Variants in TRAM2 observed in about 807,000 individuals in gnomAD.
TRAM2 encodes translocation associated membrane protein 2, also known as translocating chain-associated membrane protein 2.
Under a neutral mutation model 51.0 loss-of-function variants are expected in TRAM2, and 12 were observed. The ratio of observed to expected loss-of-function variants is 0.24; its 90% CI spans 0.15 to 0.38. The LOEUF (loss-of-function observed/expected upper bound fraction) is 0.38, where lower values mean the gene tolerates loss of function less well. TRAM2 is among the 10% of genes least tolerant of loss of function. TRAM2 has a pLI of 1.00. For synonymous variants in TRAM2, 175 were observed against 179.4 expected, an observed-to-expected ratio of 0.98 and a Z score of 0.20; for missense variants, 361 against 462.0, an observed-to-expected ratio of 0.78 and a Z score of 2.00.
At chr6:52,516,230 T>C in intron 3 of TRAM2, 108 bp from the exon 4 acceptor site, 1 of 1,042,564 alleles carries the variant, frequency 9.6e-7, no homozygotes, top group Non-Finnish European at 1.4e-6. Context: ...CGTTAGAAGT[T>C]TGCAGCTGGC....
chr6:52,539,469 G>A (rs1767038263), intron 1 of TRAM2, among the ~76,000 whole-genome samples: 1 of 151,832 alleles, frequency 6.6e-6, no homozygotes, highest in Non-Finnish European at 1.5e-5. Flanking sequence ...GGGAAAACCT[G>A]AACGTCAGCA....
intron 1 of TRAM2, among the ~76,000 whole-genome samples, chr6:52,566,685 A>G (rs568311769): frequency 1.1e-4 from 16 of 152,264 alleles, no homozygotes; most frequent in Non-Finnish European, 2.2e-4. Flanking sequence ...CTATGACACC[A>G]GTGTGCTGAG....
intron 1 of TRAM2, among the ~76,000 whole-genome samples, chr6:52,558,936 T>C (rs1767453729): frequency 6.6e-6 from 1 of 152,242 alleles, no homozygotes; most frequent in Non-Finnish European, 1.5e-5. Flanking sequence ...CCTCAGACCT[T>C]GGAGCTGGCA....
intron 1 of TRAM2, among the ~76,000 whole-genome samples, chr6:52,546,384 A>C (rs1261539378): frequency 6.6e-6 from 1 of 152,214 alleles, no homozygotes; most frequent in African/African-American, 2.4e-5. Context: ...GGACAACCCA[A>C]GGTGATTTCC....
chr6:52,555,261 C>A (rs1767383899), intron 1 of TRAM2, among the ~76,000 whole-genome samples: 1 of 151,972 alleles, frequency 6.6e-6, no homozygotes. Context: ...CCCCACCCTC[C>A]ACCTGTGCCC....
intron 10 of TRAM2, 133 bp downstream of exon 10, chr6:52,504,458 G>A: frequency 4.1e-6 from 6 of 1,466,602 alleles, no homozygotes; most frequent in Admixed American, 2.2e-5. Flanking sequence ...CCAGCCCTGA[G>A]GTAAGAGTCA....
intron 1 of TRAM2, among the ~76,000 whole-genome samples, chr6:52,541,970 C>A (rs1008312017): frequency 1.4e-4 from 21 of 152,060 alleles, no homozygotes; most frequent in Non-Finnish European, 2.6e-4. Flanking sequence ...ACCTAAAGGA[C>A]AAAACACAGA....
At chr6:52,544,982 A>G (rs918359640) in intron 1 of TRAM2, among the ~76,000 whole-genome samples, 1 of 152,234 alleles carries the variant, frequency 6.6e-6, no homozygotes, top group African/African-American at 2.4e-5. Context: ...CCATATCCCA[A>G]GGTTTCTCTC....
chr6:52,523,118 G>A (rs913602365), intron 2 of TRAM2: 5 of 425,708 alleles, frequency 1.2e-5, no homozygotes, highest in African/African-American at 4.0e-5. Flanking sequence ...GTTTCTTTCC[G>A]AATCCCTGCA....
intron 1 of TRAM2, among the ~76,000 whole-genome samples, chr6:52,539,352 T>G: frequency 6.6e-6 from 1 of 152,190 alleles, no homozygotes; most frequent in African/African-American, 2.4e-5. Context: ...GCTCTGCACA[T>G]CTCTGTGAAT....
At chr6:52,534,285 G>A (rs1393910657) in intron 2 of TRAM2, among the ~76,000 whole-genome samples, 1 of 152,086 alleles carries the variant, frequency 6.6e-6, no homozygotes, top group Non-Finnish European at 1.5e-5. Context: ...GGAGGCTGAG[G>A]CGGAAGAATC....
chr6:52,576,775 C>T (rs1331808828), intron 1 of TRAM2, 21 bp downstream of exon 1: 1 of 1,610,564 alleles, frequency 6.2e-7, no homozygotes, highest in Middle Eastern at 1.7e-4. Context: ...CCCTCCAGCT[C>T]CCTCCTCCCC....
intron 1 of TRAM2, among the ~76,000 whole-genome samples, chr6:52,539,459 G>A (rs142008412): frequency 6.6e-6 from 1 of 152,150 alleles, no homozygotes; most frequent in Non-Finnish European, 1.5e-5. Flanking sequence ...AAACGTATCA[G>A]GGAAAACCTG....
At chr6:52,540,840 G>T (rs756077621) in intron 1 of TRAM2, among the ~76,000 whole-genome samples, 3 of 152,186 alleles carry the variant, frequency 2.0e-5, no homozygotes, top group South Asian at 2.1e-4. Flanking sequence ...AAGTGACAAC[G>T]TGCTAATACA....
chr6:52,514,746 T>C (rs983487865), intron 4 of TRAM2, among the ~76,000 whole-genome samples: 1 of 152,222 alleles, frequency 6.6e-6, no homozygotes, highest in Non-Finnish European at 1.5e-5. Flanking sequence ...TTTGGTATCT[T>C]GAGGCTGTTC....
intron 2 of TRAM2, among the ~76,000 whole-genome samples, chr6:52,527,102 G>A (rs1319716950): frequency 3.3e-5 from 5 of 151,996 alleles, no homozygotes; most frequent in Non-Finnish European, 5.9e-5. Flanking sequence ...TTATCCAGCT[G>A]GGCATGGTGG....
At chr6:52,511,762 A>G (rs1383828868) in intron 4 of TRAM2, among the ~76,000 whole-genome samples, 2 of 151,758 alleles carry the variant, frequency 1.3e-5, no homozygotes, top group African/African-American at 4.9e-5. Flanking sequence ...CCATGAGCAC[A>G]ATAACCTGAC....
At chr6:52,549,549 G>C (rs1278933851) in intron 1 of TRAM2, among the ~76,000 whole-genome samples, 1 of 152,162 alleles carries the variant, frequency 6.6e-6, no homozygotes, top group Non-Finnish European at 1.5e-5. Context: ...ACAAATACGG[G>C]AGTCCAAGCT....
intron 1 of TRAM2, among the ~76,000 whole-genome samples, chr6:52,567,565 T>A (rs983375561): frequency 2.0e-5 from 3 of 152,264 alleles, no homozygotes; most frequent in Admixed American, 2.0e-4. Context: ...AAATGTACTA[T>A]GCAGCAGACC....
Sources: allele counts gnomAD v4.1 joint callset (sites outside exome capture counted in the v4.1 genomes callset), GRCh38; gene constraint gnomAD v4.1.1; transcripts MANE v1.5; gene names NCBI Gene and HGNC (gene_info 2026-07-23, HGNC 2026-07-21).